The following BLTP1 variants were observed in gnomAD, a reference collection of about 807,000 sequenced individuals.
BLTP1 encodes the protein bridge-like lipid transfer protein family member 1.
the BLTP1 span, chr4:122,186,033 T>C: frequency 6.4e-7 from 1 of 1,567,750 alleles, no homozygotes; most frequent in Non-Finnish European, 8.6e-7. Context: ...TTGGTGTCTT[T>C]AGATCCAAAG....
chr4:122,256,148 C>T, the BLTP1 span: 11 of 984,936 alleles, frequency 1.1e-5, no homozygotes, highest in Non-Finnish European at 1.3e-5. Context: ...ACACAAGAAT[C>T]TTTAGTCAAA....
the BLTP1 span, among the ~76,000 whole-genome samples, chr4:122,296,821 A>G: frequency 1.6e-4 from 25 of 152,310 alleles, no homozygotes; most frequent in South Asian, 4.3e-3. Context: ...ATGGGGAAAA[A>G]GGGTTCCCTG....
the BLTP1 span, chr4:122,312,971 T>A: frequency 2.9e-6 from 2 of 680,986 alleles, no homozygotes; most frequent in Non-Finnish European, 3.6e-6. Context: ...TTAAAAGTTG[T>A]TTCAACTTTT....
the BLTP1 span, among the ~76,000 whole-genome samples, chr4:122,318,522 T>C: frequency 1.3e-5 from 2 of 152,202 alleles, no homozygotes; most frequent in Non-Finnish European, 2.9e-5. Context: ...ACCTAGGTTG[T>C]AGGACTCGAT....
the BLTP1 span, chr4:122,203,774 A>C: frequency 2.4e-6 from 1 of 424,290 alleles, no homozygotes; most frequent in African/African-American, 2.1e-5. Context: ...GAAATTTTAA[A>C]TTAGTTATTA....
chr4:122,186,719 C>A, the BLTP1 span, among the ~76,000 whole-genome samples: 1 of 151,956 alleles, frequency 6.6e-6, no homozygotes, highest in South Asian at 2.1e-4. Context: ...GGTCTACCTA[C>A]AAAATTATTC....
chr4:122,211,249 A>G, the BLTP1 span, among the ~76,000 whole-genome samples: 1 of 152,166 alleles, frequency 6.6e-6, no homozygotes, highest in African/African-American at 2.4e-5. Flanking sequence ...TGCTAGACTC[A>G]ATTACAAAAT....
chr4:122,348,938 G>T, the BLTP1 span: 111 of 544,262 alleles, frequency 2.0e-4, no homozygotes, highest in African/African-American at 1.8e-3. Context: ...CAATTATAAG[G>T]AGAACAGGGT....
At chr4:122,192,420 T>C in the BLTP1 span, 148 of 1,246,344 alleles carry the variant, frequency 1.2e-4, no homozygotes, top group South Asian at 1.6e-3. Context: ...TTTTTAGATG[T>C]ATTTAGATGT....
chr4:122,346,355 C>T, the BLTP1 span: 1 of 553,848 alleles, frequency 1.8e-6, no homozygotes, highest in South Asian at 7.9e-5. Context: ...AAATTGAAAG[C>T]TGGCTATCAG....
the BLTP1 span, among the ~76,000 whole-genome samples, chr4:122,318,504 A>G: frequency 6.6e-6 from 1 of 152,216 alleles, no homozygotes; most frequent in Non-Finnish European, 1.5e-5. Flanking sequence ...GGGGAAGACA[A>G]TAGTCAAACC....
the BLTP1 span, chr4:122,228,945 T>C: frequency 4.8e-6 from 1 of 208,582 alleles, no homozygotes; most frequent in Non-Finnish European, 8.4e-6. Flanking sequence ...AGTTTTCTAA[T>C]TGATAACACT....
At chr4:122,209,843 G>T in the BLTP1 span, 246 of 1,613,516 alleles carry the variant, frequency 1.5e-4, no homozygotes, top group Middle Eastern at 3.3e-4. Context: ...ATGCTGGACT[G>T]TCCCAAGTGT....
the BLTP1 span, chr4:122,180,091 C>A: frequency 1.0e-6 from 1 of 984,076 alleles, no homozygotes; most frequent in Non-Finnish European, 1.2e-6. Context: ...TTAAAAAAAC[C>A]TAATATGTTG....
At chr4:122,170,254 G>A in the BLTP1 span, 14 of 611,104 alleles carry the variant, frequency 2.3e-5, no homozygotes, top group African/African-American at 8.7e-5. Flanking sequence ...TGCCTGAGCC[G>A]AGATCATGCC....
chr4:122,212,173 G>A, the BLTP1 span: 1 of 414,634 alleles, frequency 2.4e-6, no homozygotes, highest in Non-Finnish European at 3.2e-6. Flanking sequence ...GGTTTTGAAG[G>A]TATATAGCAT....
At chr4:122,355,908 A>G in the BLTP1 span, 4 of 1,612,836 alleles carry the variant, frequency 2.5e-6, no homozygotes, top group Non-Finnish European at 3.4e-6. Flanking sequence ...ACCATGAAAC[A>G]GAGACTATCT....
the BLTP1 span, chr4:122,348,569 T>G: frequency 6.3e-7 from 1 of 1,584,706 alleles, no homozygotes; most frequent in Non-Finnish European, 8.6e-7. Flanking sequence ...ATTTTTAGAT[T>G]CACTTTCAAA....
chr4:122,220,291 G>C, the BLTP1 span: 2 of 1,588,456 alleles, frequency 1.3e-6, no homozygotes, highest in Non-Finnish European at 1.7e-6. Flanking sequence ...CTTACTTTTT[G>C]CCTTTTCTGC....
Sources: gnomAD v4.1 joint callset for allele counts (sites outside exome capture counted in the v4.1 genomes callset) on GRCh38, gnomAD v4.1.1 for gene constraint, MANE v1.5 for transcripts, NCBI Gene and HGNC (gene_info 2026-07-23, HGNC 2026-07-21) for gene names.